MDGA2: variants seen among roughly 807,000 people sequenced by gnomAD.
MDGA2 encodes MAM domain containing glycosylphosphatidylinositol anchor 2.
A neutral mutation model predicts 117.8 loss-of-function variants in MDGA2; 40 were observed. The observed-to-expected ratio is 0.34, with a 90% CI of 0.26 to 0.44. MDGA2 has a LOEUF of 0.44. Ranked by LOEUF, MDGA2 falls within the 20% of genes least tolerant of loss-of-function variation. The pLI, the probability that MDGA2 is intolerant of heterozygous loss-of-function variation, is 1.00. For missense variants in MDGA2, 1,123 were observed against 1,250.6 expected, an observed-to-expected ratio of 0.90 and a Z score of 1.54; for synonymous variants, 452 against 439.0, an observed-to-expected ratio of 1.03 and a Z score of -0.37.
intron 1 of MDGA2, among the ~76,000 whole-genome samples, chr14:47,381,589 C>T (rs561418383): frequency 6.6e-6 from 1 of 152,128 alleles, no homozygotes; most frequent in East Asian, 1.9e-4. Flanking sequence ...AGAGCCAAAT[C>T]ATGAGTGAAC....
At chr14:47,215,902 G>A (rs61995421) in intron 3 of MDGA2, among the ~76,000 whole-genome samples, 2,320 of 152,182 alleles carry the variant, frequency 0.015, 32 homozygotes, top group Middle Eastern at 0.037. Context: ...TTGTCAAGTC[G>A]AGGTTGCATG....
intron 1 of MDGA2, among the ~76,000 whole-genome samples, chr14:47,395,579 T>C (rs1194828511): frequency 6.6e-6 from 1 of 152,130 alleles, no homozygotes; most frequent in African/African-American, 2.4e-5. Context: ...TGTTATTCAA[T>C]ATGAACTTGA....
intron 8 of MDGA2, among the ~76,000 whole-genome samples, chr14:46,967,399 T>A (rs1886078808): frequency 1.3e-5 from 2 of 152,168 alleles, no homozygotes; most frequent in Admixed American, 6.6e-5. Flanking sequence ...TAAGGAAAAT[T>A]GTGCTCATAA....
chr14:46,893,527 G>A (rs1882961335), intron 10 of MDGA2, among the ~76,000 whole-genome samples: 1 of 151,270 alleles, frequency 6.6e-6, no homozygotes. Context: ...CCCACATATT[G>A]ACAAACATAA....
At chr14:47,000,727 C>T (rs1312029754) in intron 8 of MDGA2, among the ~76,000 whole-genome samples, 1 of 151,572 alleles carries the variant, frequency 6.6e-6, no homozygotes, top group Non-Finnish European at 1.5e-5. Context: ...GGGAAGAGAA[C>T]TGAATAGCTT....
At chr14:47,635,924 A>C (rs1897313213) in intron 1 of MDGA2, among the ~76,000 whole-genome samples, 1 of 152,254 alleles carries the variant, frequency 6.6e-6, no homozygotes, top group Non-Finnish European at 1.5e-5. Flanking sequence ...CTTATGTAAG[A>C]CATAATCTGA....
chr14:47,049,000 T>G (rs777855002), intron 7 of MDGA2, among the ~76,000 whole-genome samples: 54 of 152,174 alleles, frequency 3.5e-4, no homozygotes, highest in African/African-American at 1.2e-3. Context: ...CTAATACGTG[T>G]GAAGAGTTTA....
chr14:47,356,612 C>G (rs1890999199), intron 1 of MDGA2, among the ~76,000 whole-genome samples: 1 of 152,134 alleles, frequency 6.6e-6, no homozygotes, highest in South Asian at 2.1e-4. Flanking sequence ...ACTGCCTGAA[C>G]CTATCTCAGC....
At chr14:46,900,788 A>T (rs902925985) in intron 10 of MDGA2, among the ~76,000 whole-genome samples, 4 of 152,128 alleles carry the variant, frequency 2.6e-5, no homozygotes, top group African/African-American at 9.7e-5. Flanking sequence ...AGCTACGCAC[A>T]TGCAAACACA....
intron 3 of MDGA2, among the ~76,000 whole-genome samples, chr14:47,185,967 G>T (rs1884893967): frequency 6.6e-6 from 1 of 151,488 alleles, no homozygotes; most frequent in Non-Finnish European, 1.5e-5. Flanking sequence ...AGGATGGAAG[G>T]CTTGCTATAT....
chr14:47,295,811 G>T (rs1259231372), intron 2 of MDGA2, among the ~76,000 whole-genome samples: 3 of 152,052 alleles, frequency 2.0e-5, no homozygotes, highest in Non-Finnish European at 4.4e-5. Flanking sequence ...GACTGAGGTG[G>T]GAGAATCACT....
chr14:46,855,660 G>A lies in MDGA2; in HGVS notation c.2753-506C>T, dbSNP rs1198743970. On this transcript the variant is annotated intron_variant, in intron 14 of 16. Transcript: ENST00000399232. The surrounding 1 kb of genome is among the most constrained non-coding windows in gnomAD (Gnocchi z 4.1). ...AGCCCTGCTGACATCTTGATTTTAG[G>A]CCCAGAATGCTTTTTTTAAATTTCT... 2.0e-5 allele frequency among the ~76,000 whole-genome samples: 3 copies of A among 152,004 alleles called. No homozygotes were observed. Among genetic ancestry groups the A allele is most frequent in the African/African-American group, 4.8e-5 (2 of 41,398 alleles).
intron 2 of MDGA2, among the ~76,000 whole-genome samples, chr14:47,279,623 T>C (rs1002913163): frequency 6.6e-6 from 1 of 152,086 alleles, no homozygotes; most frequent in African/African-American, 2.4e-5. Flanking sequence ...TTTCCCGTCA[T>C]CCTTAAAAAG....
At chr14:47,507,597 A>C (rs1338812328) in intron 1 of MDGA2, among the ~76,000 whole-genome samples, 3 of 152,196 alleles carry the variant, frequency 2.0e-5, no homozygotes, top group Admixed American at 2.0e-4. Context: ...GTTGGCTATA[A>C]ATTATCAGAC....
At chr14:47,286,803 T>TTATATATATATATATATA (rs34614614) in intron 2 of MDGA2, among the ~76,000 whole-genome samples, 5 of 130,034 alleles carry the variant, frequency 3.8e-5, no homozygotes, top group East Asian at 2.8e-4. Context: ...AGGCATATCA[T>TTATATATATATATATATA]TATATATATA....
chr14:47,029,823 T>A (rs1231121650), intron 8 of MDGA2, among the ~76,000 whole-genome samples: 2 of 152,014 alleles, frequency 1.3e-5, no homozygotes, highest in Non-Finnish European at 2.9e-5. Flanking sequence ...GTATCCTGTT[T>A]TGTTTTTGTT....
intron 8 of MDGA2, among the ~76,000 whole-genome samples, chr14:46,976,403 A>G (rs1886460275): frequency 6.6e-6 from 1 of 152,076 alleles, no homozygotes; most frequent in South Asian, 2.1e-4. Flanking sequence ...GGACAGAGAC[A>G]TCATTCTTTA....
intron 1 of MDGA2, among the ~76,000 whole-genome samples, chr14:47,486,342 T>C (rs1894060519): frequency 6.6e-6 from 1 of 152,214 alleles, no homozygotes; most frequent in Admixed American, 6.5e-5. Context: ...TTGGCATCAC[T>C]GTATTTACCC....
intron 2 of MDGA2, among the ~76,000 whole-genome samples, chr14:47,295,318 C>T (rs1889026976): frequency 6.6e-6 from 1 of 152,152 alleles, no homozygotes; most frequent in Admixed American, 6.5e-5. Context: ...CAAAGACCCA[C>T]ACATTATACT....
Sources: gnomAD v4.1 joint callset for allele counts (sites outside exome capture counted in the v4.1 genomes callset) on GRCh38, gnomAD v4.1.1 for gene constraint, Gnocchi (gnomAD v3.1) non-coding constraint, MANE v1.5 for transcripts, NCBI Gene and HGNC (gene_info 2026-07-23, HGNC 2026-07-21) for gene names.